The following ANKRD17 variants were observed in gnomAD, a reference collection of about 807,000 sequenced individuals.
The protein encoded by ANKRD17 is ankyrin repeat domain-containing protein 17.
A neutral mutation model predicts 229.7 loss-of-function variants in ANKRD17; 19 were observed. The ratio of observed to expected loss-of-function variants is 0.08; its 90% CI spans 0.06 to 0.12. The LOEUF is 0.12. ANKRD17 is among the 10% of genes least tolerant of loss of function. The pLI, the probability that ANKRD17 is intolerant of heterozygous loss-of-function variation, is 1.00. For synonymous variants in ANKRD17, 1,112 were observed against 1,146.1 expected, an observed-to-expected ratio of 0.97 and a Z score of 0.60; for missense variants, 2,176 against 3,176.8, an observed-to-expected ratio of 0.68 and a Z score of 7.57.
chr4:73,237,301 A>C (rs1028194870), intron 1 of ANKRD17, among the ~76,000 whole-genome samples: 1 of 152,244 alleles, frequency 6.6e-6, no homozygotes, highest in African/African-American at 2.4e-5. Flanking sequence ...CTGTAATACC[A>C]AGCCTGTGTT....
chr4:73,136,501 T>C (rs1728910548), intron 15 of ANKRD17, among the ~76,000 whole-genome samples: 1 of 152,118 alleles, frequency 6.6e-6, no homozygotes, highest in Non-Finnish European at 1.5e-5. Context: ...TCTATAATTA[T>C]ACATTTTTAA....
At chr4:73,146,486 A>G (rs1730295420) in intron 10 of ANKRD17, among the ~76,000 whole-genome samples, 1 of 152,114 alleles carries the variant, frequency 6.6e-6, no homozygotes, top group African/African-American at 2.4e-5. Flanking sequence ...AAAATAGTTA[A>G]TATCTAAGGG....
chr4:73,140,414 TAAA>T (rs1230170670), intron 14 of ANKRD17, 131 bp from the exon 15 acceptor site: 2 of 840,938 alleles, frequency 2.4e-6, no homozygotes, highest in East Asian at 6.2e-5. Context: ...AATGCACTGT[TAAA>T]AAATTAAAAA....
chr4:73,253,807 G>A (rs1429912086), intron 1 of ANKRD17, among the ~76,000 whole-genome samples: 1 of 152,096 alleles, frequency 6.6e-6, no homozygotes, highest in Non-Finnish European at 1.5e-5. Context: ...ACTACGAAAA[G>A]GAATTAAGAA....
intron 3 of ANKRD17, among the ~76,000 whole-genome samples, chr4:73,158,809 G>C (rs906799984): frequency 1.3e-5 from 2 of 152,222 alleles, no homozygotes; most frequent in Non-Finnish European, 2.9e-5. Context: ...ACCTGAACTA[G>C]CACACTTAGC....
At chr4:73,129,830 T>G (rs1009104744) in intron 16 of ANKRD17, among the ~76,000 whole-genome samples, 90 of 148,184 alleles carry the variant, frequency 6.1e-4, no homozygotes, top group African/African-American at 2.1e-3. Context: ...AGTGGCTCAC[T>G]CAGCTCACTG....
chr4:73,076,087 CAGTT>C lies in ANKRD17; in HGVS notation c.*140_*143del, dbSNP rs1391354944. The C allele has an allele frequency of 3.9e-6, 2 of 508,758 alleles. No homozygotes were observed. The highest frequency in any genetic ancestry group is 3.4e-6 in the Non-Finnish European group (1 of 297,590). 31.5% of individuals were successfully genotyped at this position (508,758 alleles called of 1,614,324 possible). A position where few individuals can be genotyped will look rare whatever the true frequency, so the allele number is the denominator to read the frequency against. On this transcript the variant is annotated 3_prime_UTR_variant, in exon 34 of 34. Transcript: ENST00000358602. ...TCACAAATGTTCACAGAAAATAGGT[CAGTT>C]AGTAAGATCTTCTGCAAAAAGCCTA...
At chr4:73,190,652 T>C (rs1335251688) in intron 1 of ANKRD17, among the ~76,000 whole-genome samples, 1 of 145,896 alleles carries the variant, frequency 6.9e-6, no homozygotes, top group Non-Finnish European at 1.5e-5. Flanking sequence ...TTGCAGAAAA[T>C]ACAGCCATCC....
At chr4:73,100,148 T>C (rs1015439456) in intron 25 of ANKRD17, among the ~76,000 whole-genome samples, 2 of 152,312 alleles carry the variant, frequency 1.3e-5, no homozygotes, top group African/African-American at 4.8e-5. Context: ...CGACATCCGT[T>C]ATTGCTGCCG....
chr4:73,246,219 C>T (rs1159962308), intron 1 of ANKRD17, among the ~76,000 whole-genome samples: 1 of 152,150 alleles, frequency 6.6e-6, no homozygotes, highest in Admixed American at 6.5e-5. Flanking sequence ...ACTCCTCCCC[C>T]GAAGGATTTC....
chr4:73,082,614 T>C (rs1316006392), intron 30 of ANKRD17, among the ~76,000 whole-genome samples: 1 of 152,208 alleles, frequency 6.6e-6, no homozygotes, highest in Non-Finnish European at 1.5e-5. Context: ...TTCTCACAGT[T>C]TAGTTCAGTG....
intron 1 of ANKRD17, among the ~76,000 whole-genome samples, chr4:73,242,481 G>C (rs1401741085): frequency 6.6e-6 from 1 of 152,060 alleles, no homozygotes; most frequent in Non-Finnish European, 1.5e-5. Flanking sequence ...AAATACATAA[G>C]TATGCCATGT....
intron 3 of ANKRD17, among the ~76,000 whole-genome samples, chr4:73,160,867 A>G (rs1195635649): frequency 2.0e-5 from 3 of 152,236 alleles, no homozygotes; most frequent in South Asian, 2.1e-4. Context: ...CATTTTTAAA[A>G]AAAATCTAAA....
intron 24 of ANKRD17, among the ~76,000 whole-genome samples, chr4:73,106,662 C>T (rs1299021465): frequency 4.6e-5 from 7 of 151,998 alleles, no homozygotes; most frequent in South Asian, 2.1e-4. Context: ...GGGCAGATCA[C>T]GATGTCAAGA....
chr4:73,194,200 G>A (rs1737529926), intron 1 of ANKRD17, among the ~76,000 whole-genome samples: 1 of 152,168 alleles, frequency 6.6e-6, no homozygotes, highest in African/African-American at 2.4e-5. Context: ...CAAAGTCACA[G>A]ATTTTCTATG....
chr4:73,245,262 A>G (rs775964902), intron 1 of ANKRD17, among the ~76,000 whole-genome samples: 11 of 152,230 alleles, frequency 7.2e-5, no homozygotes, highest in Non-Finnish European at 1.5e-4. Context: ...TTTGTAGCAC[A>G]AATACCTTCT....
chr4:73,123,074 T>C (rs964070991), intron 18 of ANKRD17, among the ~76,000 whole-genome samples: 6 of 152,120 alleles, frequency 3.9e-5, no homozygotes, highest in African/African-American at 9.6e-5. Context: ...ACTTCAACAA[T>C]TGTTATAACC....
chr4:73,238,740 A>G (rs147432583), intron 1 of ANKRD17, among the ~76,000 whole-genome samples: 207 of 152,252 alleles, frequency 1.4e-3, no homozygotes, highest in Non-Finnish European at 2.4e-3. Flanking sequence ...AATGCATACA[A>G]AACATATTTC....
At chr4:73,134,017 A>C (rs563755155) in intron 16 of ANKRD17, among the ~76,000 whole-genome samples, 2 of 152,312 alleles carry the variant, frequency 1.3e-5, no homozygotes, top group South Asian at 4.1e-4. Context: ...GGATTAGATG[A>C]GACAATTCCT....
Sources: gnomAD v4.1 joint callset for allele counts (sites outside exome capture counted in the v4.1 genomes callset) on GRCh38, gnomAD v4.1.1 for gene constraint, MANE v1.5 for transcripts, NCBI Gene and HGNC (gene_info 2026-07-23, HGNC 2026-07-21) for gene names.